THBS1: variants seen among roughly 807,000 people sequenced by gnomAD.
THBS1 encodes the protein thrombospondin 1.
A neutral mutation model predicts 126.1 loss-of-function variants in THBS1; 29 were observed. The observed-to-expected ratio is 0.23, with a 90% confidence interval of 0.17 to 0.31. The LOEUF (loss-of-function observed/expected upper bound fraction) is 0.31, where lower values mean the gene tolerates loss of function less well. THBS1 is among the 10% of genes least tolerant of loss of function. THBS1 has a pLI of 1.00. For missense variants in THBS1, 1,198 were observed against 1,545.2 expected (o/e 0.78, Z 3.77); for synonymous variants, 496 against 577.8 (o/e 0.86, Z 2.03).
chr15:39,581,796 T>G, intron 1 of THBS1, 33 bp from the exon 2 acceptor site: 1 of 1,475,670 alleles, frequency 6.8e-7, no homozygotes, highest in Non-Finnish European at 9.5e-7. Flanking sequence ...CTAGCTGATC[T>G]CTGACCCTCG....
intron 7 of THBS1, chr15:39,586,636 C>G (rs1433918952): frequency 1.3e-5 from 2 of 152,228 alleles, no homozygotes; most frequent in African/African-American, 4.8e-5. Context: ...GAACCAACAA[C>G]AGCTCGGCTG....
chr15:39,581,533 A>AC (rs1222039999), intron 1 of THBS1, among the ~76,000 whole-genome samples: 1 of 151,364 alleles, frequency 6.6e-6, no homozygotes, highest in Non-Finnish European at 1.5e-5. Flanking sequence ...CCTCCCTGCA[A>AC]CCCCAAACTA....
At chr15:39,591,014 A>T in intron 14 of THBS1, 177 bp from the exon 15 acceptor site, 1 of 685,104 alleles carries the variant, frequency 1.5e-6, no homozygotes, top group Non-Finnish European at 2.4e-6. Context: ...CCATTTTTTT[A>T]ACTATGTCCT....
chr15:39,590,969 A>G (rs2140348850), intron 14 of THBS1: 1 of 578,352 alleles, frequency 1.7e-6, no homozygotes, highest in Non-Finnish European at 3.0e-6. Context: ...ATGGGATTAT[A>G]TTCTACATCT....
chr15:39,595,926 A>G lies in THBS1; in HGVS notation c.*557A>G, dbSNP rs1890432814. The G allele has an allele frequency of 2.2e-6, 1 of 449,368 alleles. No individual in the cohort carries two copies. Among genetic ancestry groups the G allele is most frequent in the Non-Finnish European group, 4.5e-6 (1 of 221,868 alleles). The allele number at this position is 449,368 out of a possible 1,614,324, so 27.8% of individuals were successfully genotyped here. A position where few individuals can be genotyped will look rare whatever the true frequency, so the allele number is the denominator to read the frequency against. ...GTCATTTTCAGGGGATTGAAAGACT[A>G]TTGCTGGATTTCATGATGCTGACTG... On this transcript the variant is annotated 3_prime_UTR_variant, in exon 22 of 22. Transcript: ENST00000260356.
In THBS1 at chr15:39,599,229, G is replaced by A. The variant is rs779393243; in HGVS notation, c.*3860G>A. ...CAGGGTGACTTTTTAAAAAAAATCC[G>A]GAAGCTTTTTGTTGAATTACGTTAC... On this transcript the variant is annotated 3_prime_UTR_variant, in exon 22 of 22. Coordinates refer to ENST00000260356, the MANE Select transcript of THBS1 (RefSeq NM_003246.4). The A allele has an allele frequency of 2.0e-5, 3 of 152,072 alleles. No homozygotes were observed. Among genetic ancestry groups the A allele is most frequent in the Admixed American group, 1.3e-4 (2 of 15,272 alleles). The allele number at this position is 152,072 out of a possible 1,614,324, so 9.4% of individuals were successfully genotyped here.
chr15:39,587,432 C>T lies in THBS1; in HGVS notation c.1206C>T (p.Arg402=), dbSNP rs376255871. 2.3e-5 allele frequency: 37 copies of T among 1,613,838 alleles called. No individual in the cohort carries two copies. Among genetic ancestry groups the T allele is most frequent in the African/African-American group, 1.9e-4 (14 of 74,944 alleles). ...GCTGTGGCAATGGAATTCAGCAGCG[C>T]GGCCGCTCCTGCGATAGCCTCAACA... ...STSCGNGIQQ[R]GRSCDSLNNR... The change falls in exon 8 of 22, where the codon CGC becomes CGT. Residue 402 remains arginine (R), a synonymous_variant. Transcript: ENST00000260356.
chr15:39,591,491 C>G lies in THBS1; in HGVS notation c.2414-14C>G. On this transcript the variant is annotated splice_polypyrimidine_tract_variant and intron_variant, in intron 15 of 21. Transcript: ENST00000260356. ...TGGAGAGCCCAGCTCTTATTTGTCC[C>G]TTGTTCTCTTCAGGTATCCTCAATG... is the stretch of plus-strand genomic sequence containing the variant. The G allele has an allele frequency of 6.2e-7, 1 of 1,613,920 alleles. No homozygotes were observed.
Position 39,584,080 on chromosome 15 carries a change from T to C in THBS1, c.796T>C (p.Leu266=). ...TNYIGHKTKD[L]QAICGISCDE... is the part of the protein sequence containing the mutation. Reference sequence around the variant, plus strand: ...CTACATTGGCCACAAGACAAAGGACTTGCAAGCCATCTGCGGCATCTCCTG... The same window carrying C: ...CTACATTGGCCACAAGACAAAGGACCTGCAAGCCATCTGCGGCATCTCCTG... Residue 266 remains leucine (L), a synonymous_variant, in exon 5 of 22, where the codon TTG becomes CTG. Coordinates refer to ENST00000260356, the MANE Select transcript of THBS1 (RefSeq NM_003246.4). 1 of 1,614,242 alleles carries C rather than the reference T, an allele frequency of 6.2e-7. No individual in the cohort carries two copies. Among genetic ancestry groups the C allele is most frequent in the Non-Finnish European group, 8.5e-7 (1 of 1,180,044 alleles).
chr15:39,583,174 A>C, intron 3 of THBS1, among the ~76,000 whole-genome samples: 1 of 152,190 alleles, frequency 6.6e-6, no homozygotes, highest in East Asian at 1.9e-4. Context: ...CCACTTTGCT[A>C]TTGGATTCCT....
Position 39,585,700 on chromosome 15 carries a change from G to A in THBS1, c.1120+137G>A, listed in dbSNP as rs1890197069. 4.9e-6 allele frequency: 4 copies of A among 814,594 alleles called. No individual in the cohort carries two copies. The Admixed American group carries it at 6.3e-5, about 13-fold the overall frequency. The allele number at this position is 814,594 out of a possible 1,614,324, so 50.5% of individuals were successfully genotyped here. A position where few individuals can be genotyped will look rare whatever the true frequency, so the allele number is the denominator to read the frequency against. On this transcript the variant is annotated intron_variant, in intron 7 of 21. Transcript: ENST00000260356. ...ATTCAGTTTCTTGCTGCAGCAGCTG[G>A]TTAACTGACAGCTTATCTGCTGTAC...
chr15:39,590,081 C>A, intron 13 of THBS1, 58 bp downstream of exon 13: 1 of 1,393,694 alleles, frequency 7.2e-7, no homozygotes, highest in Non-Finnish European at 9.6e-7. Flanking sequence ...TATCAAAACA[C>A]AGGCTAAGGA....
In THBS1 at chr15:39,589,721, G is replaced by A; in HGVS notation, c.1927-84G>A. 2.2e-6 allele frequency: 3 copies of A among 1,391,174 alleles called. No homozygotes were observed. The highest frequency in any genetic ancestry group is 2.9e-6 in the Non-Finnish European group (3 of 1,039,736). 86.2% of individuals were successfully genotyped at this position (1,391,174 alleles called of 1,614,324 possible). On this transcript the variant is annotated intron_variant, in intron 12 of 21. Coordinates refer to ENST00000260356, the MANE Select transcript of THBS1 (RefSeq NM_003246.4). This position sits in a 1 kb window ranked among gnomAD's most constrained non-coding sequence, Gnocchi z 4.7. Reference sequence around the variant, plus strand: ...CAAATGGAGCCTCTGTCTACTCAGAGATGACAGGGATCTGGATTCTTGTTT... The same window carrying A: ...CAAATGGAGCCTCTGTCTACTCAGAAATGACAGGGATCTGGATTCTTGTTT...
chr15:39,597,290 T>TG lies in THBS1; in HGVS notation c.*1921_*1922insG, dbSNP rs1890484390. 6.7e-6 allele frequency: 1 copy of TG among 148,648 alleles called. No homozygotes were observed. Among genetic ancestry groups the TG allele is most frequent in the African/African-American group, 2.5e-5 (1 of 40,772 alleles). The allele number at this position is 148,648 out of a possible 1,614,324, so 9.2% of individuals were successfully genotyped here. A position where few individuals can be genotyped will look rare whatever the true frequency, so the allele number is the denominator to read the frequency against. On this transcript the variant is annotated 3_prime_UTR_variant, in exon 22 of 22. Coordinates refer to ENST00000260356, the MANE Select transcript of THBS1 (RefSeq NM_003246.4). ...TCTTTTTTTTGTTTTGTTTTTTTTT[T>TG]TTTTTTTTTTTGCTTTTGACCTCCC...
At chr15:39,591,033 T>C (rs900723488) in intron 14 of THBS1, 158 bp from the exon 15 acceptor site, 2 of 805,588 alleles carry the variant, frequency 2.5e-6, no homozygotes, top group Non-Finnish European at 3.8e-6. Context: ...CTTTTAACTT[T>C]TGTAGTGATC....
At chr15:39,588,897 C>T in intron 10 of THBS1, 62 bp from the exon 11 acceptor site, 5 of 1,613,710 alleles carry the variant, frequency 3.1e-6, no homozygotes, top group Non-Finnish European at 3.4e-6. Context: ...AAGTGCCCAG[C>T]ATGGCAGTAT....
rs1208383424 is a variant in THBS1, at chr15:39,583,632, G to A, written c.643G>A (p.Val215Met). The A allele has an allele frequency of 4.4e-6, 7 of 1,587,096 alleles. No individual in the cohort carries two copies. The highest frequency in any genetic ancestry group is 2.2e-5 in the South Asian group (2 of 90,698). The change falls in exon 4 of 22, where the codon GTG becomes ATG. Residue 215 changes from valine (V) to methionine (M), a missense_variant. Val to Met is a conservative substitution (Grantham distance 21). Coordinates refer to ENST00000260356, the MANE Select transcript of THBS1 (RefSeq NM_003246.4). ...CTGCCCACAGGGGGTGCTGCAGAATGTGAGGTTTGTCTTTGGAACCACACC... is the reference window on the plus strand; with the variant it reads ...CTGCCCACAGGGGGTGCTGCAGAATATGAGGTTTGTCTTTGGAACCACACC... ...NDNFQGVLQN[V>M]RFVFGTTPED...
chr15:39,588,776 G>T lies in THBS1; in HGVS notation c.1645+77G>T. 1.1e-5 allele frequency: 17 copies of T among 1,556,560 alleles called. 1 individual carries two copies. The South Asian group carries it at 2.0e-4, about 18-fold the overall frequency. On this transcript the variant is annotated intron_variant, in intron 10 of 21. Transcript: ENST00000260356. ...GAATGCTGCAGTCAGCATTCGAGGA[G>T]ATTCCAGCTTGGTTAGTCCTGAGCG...
chr15:39,591,350 G>A lies in THBS1; in HGVS notation c.2413G>A (p.Gly805Ser). ...CTGTGCTGCAGACATTGATGGAGACGGTAAGGTGCTGCCTGATCAGAGGGC... is the reference window on the plus strand; with the variant it reads ...CTGTGCTGCAGACATTGATGGAGACAGTAAGGTGCTGCCTGATCAGAGGGC... The part of the protein sequence containing the change: ...DACAADIDGD[G>S]ILNERDNCQY... The change falls in exon 15 of 22, where the codon GGT becomes AGT. Residue 805 changes from glycine to serine, a missense_variant and splice_region_variant. Gly to Ser is a moderately conservative substitution (Grantham distance 56). This residue lies in a region of THBS1 where 663 missense variants were observed against 860.1 expected (regional missense o/e 0.77). Coordinates refer to ENST00000260356, the MANE Select transcript of THBS1 (RefSeq NM_003246.4). 6.2e-7 allele frequency: 1 copy of A among 1,613,036 alleles called. No homozygotes were observed. The highest frequency in any genetic ancestry group is 1.7e-5 in the Admixed American group (1 of 59,978).
Sources: allele counts gnomAD v4.1 joint callset (sites outside exome capture counted in the v4.1 genomes callset), GRCh38; gene constraint gnomAD v4.1.1; regional missense constraint gnomAD v4.1.1; non-coding constraint Gnocchi (gnomAD v3.1); transcripts MANE v1.5; gene names NCBI Gene and HGNC (gene_info 2026-07-23, HGNC 2026-07-21).